Variants in UPRT observed in about 807,000 individuals in gnomAD.
UPRT encodes uracil phosphoribosyltransferase homolog, also known as RP11-311P8.3.
Under a neutral mutation model 22.6 loss-of-function variants are expected in UPRT, and 5 were observed. That is an observed-to-expected ratio of 0.22 (90% confidence interval 0.12 to 0.47). The LOEUF is 0.47. UPRT is among the 20% of genes least tolerant of loss of function. UPRT has a pLI of 0.99. For synonymous variants in UPRT, 77 were observed against 87.7 expected (o/e 0.88, Z 0.68); for missense variants, 181 against 239.9 (o/e 0.75, Z 1.62).
intron 4 of UPRT, among the ~76,000 whole-genome samples, chrX:75,187,022 A>C (rs2082295212): frequency 9.0e-6 from 1 of 111,384 alleles, no homozygotes; most frequent in Non-Finnish European, 1.9e-5. Context: ...GTCCATTTAC[A>C]TTTAAGGTTA....
intron 6 of UPRT, among the ~76,000 whole-genome samples, chrX:75,301,753 G>C (rs906655167): frequency 1.8e-5 from 2 of 111,538 alleles, no homozygotes; most frequent in Non-Finnish European, 3.8e-5. Context: ...ATAGGGTAAA[G>C]TGTTACCACC....
chrX:75,256,283 TC>T (rs1411846308), intron 4 of UPRT, among the ~76,000 whole-genome samples: 2 of 111,801 alleles, frequency 1.8e-5, no homozygotes, highest in African/African-American at 6.5e-5. Context: ...AAAAATGAAA[TC>T]AAGATGGAAA....
intron 4 of UPRT, 93 bp from the exon 5 acceptor site, chrX:75,299,642 G>A (rs2082737524): frequency 1.1e-6 from 1 of 877,384 alleles, no homozygotes; most frequent in Non-Finnish European, 1.5e-6. Flanking sequence ...CTTCCTTTTT[G>A]TATTAATAAC....
At chrX:75,189,925 T>G (rs2082308886) in intron 4 of UPRT, among the ~76,000 whole-genome samples, 1 of 112,321 alleles carries the variant, frequency 8.9e-6, no homozygotes, top group Admixed American at 9.5e-5. Context: ...GTCTTGACTC[T>G]TTATCCAATT....
chrX:75,244,170 C>CAACA (rs1427858509), intron 4 of UPRT, among the ~76,000 whole-genome samples: 1 of 111,465 alleles, frequency 9.0e-6, no homozygotes, highest in Non-Finnish European at 1.9e-5. Flanking sequence ...AATACCAAAA[C>CAACA]AACAAACAAA....
At chrX:75,263,734 C>T (rs375478808) in intron 4 of UPRT, among the ~76,000 whole-genome samples, 23 of 109,472 alleles carry the variant, frequency 2.1e-4, no homozygotes, top group African/African-American at 7.3e-4. Flanking sequence ...CTGCTCTGAT[C>T]TTAGTTATTT....
intron 4 of UPRT, among the ~76,000 whole-genome samples, chrX:75,232,899 G>A (rs2082444262): frequency 8.9e-6 from 1 of 112,373 alleles, no homozygotes; most frequent in South Asian, 3.7e-4. Flanking sequence ...CCAAAGGAAC[G>A]CAGTTCCTCA....
intron 4 of UPRT, among the ~76,000 whole-genome samples, chrX:75,206,261 T>C (rs1388633814): frequency 1.8e-5 from 2 of 111,163 alleles, no homozygotes; most frequent in Non-Finnish European, 3.8e-5. Context: ...ATGTATCTAC[T>C]ATTGTTAGAA....
chrX:75,163,784 T>C (rs1038277668), intron 3 of UPRT, among the ~76,000 whole-genome samples: 5 of 111,979 alleles, frequency 4.5e-5, no homozygotes, highest in African/African-American at 1.6e-4. Flanking sequence ...TTTTGGAAAC[T>C]TAATCCCCAA....
At chrX:75,207,512 T>C (rs1472786712) in intron 4 of UPRT, among the ~76,000 whole-genome samples, 1 of 111,566 alleles carries the variant, frequency 9.0e-6, no homozygotes, top group Non-Finnish European at 1.9e-5. Context: ...GCAATAGAGC[T>C]CAGAGCTGGA....
chrX:75,247,422 C>A (rs778740369), intron 4 of UPRT, among the ~76,000 whole-genome samples: 69 of 112,135 alleles, frequency 6.2e-4, no homozygotes, highest in South Asian at 3.8e-4. Context: ...AACGGCACAC[C>A]AAGACACTAT....
chrX:75,246,313 T>C (rs1197271205), intron 4 of UPRT, among the ~76,000 whole-genome samples: 1 of 97,345 alleles, frequency 1.0e-5, no homozygotes, highest in Non-Finnish European at 2.0e-5. Context: ...GTCCATGTGT[T>C]CTCATTGTTC....
intron 4 of UPRT, among the ~76,000 whole-genome samples, chrX:75,251,810 T>G (rs1220546649): frequency 9.0e-6 from 1 of 111,285 alleles, no homozygotes; most frequent in Non-Finnish European, 1.9e-5. Flanking sequence ...GACTTCAAAC[T>G]ATACTACAAG....
At chrX:75,172,962 C>T (rs772459307) in intron 4 of UPRT, among the ~76,000 whole-genome samples, 4 of 111,288 alleles carry the variant, frequency 3.6e-5, no homozygotes, top group South Asian at 7.7e-4. Context: ...ACTGCTGGCT[C>T]GGGCAGCCTG....
intron 4 of UPRT, among the ~76,000 whole-genome samples, chrX:75,261,115 G>C (rs909331072): frequency 9.0e-6 from 1 of 111,697 alleles, no homozygotes; most frequent in Non-Finnish European, 1.9e-5. Context: ...TGTGTAGAGG[G>C]AAATTTATAG....
intron 4 of UPRT, among the ~76,000 whole-genome samples, chrX:75,197,818 A>G (rs1022295561): frequency 8.0e-5 from 9 of 112,370 alleles, no homozygotes; most frequent in African/African-American, 2.9e-4. Context: ...CTAAAATTGA[A>G]AAGACTAAAA....
chrX:75,237,727 T>G (rs1379024016), intron 4 of UPRT, among the ~76,000 whole-genome samples: 1 of 99,284 alleles, frequency 1.0e-5, no homozygotes, highest in Non-Finnish European at 2.0e-5. Flanking sequence ...ATGTTCTCAC[T>G]CATAGGTGAG....
chrX:75,275,368 AC>A (rs1283863301), intron 1 of UPRT, among the ~76,000 whole-genome samples: 3 of 112,054 alleles, frequency 2.7e-5, no homozygotes, highest in Non-Finnish European at 5.6e-5. Context: ...GGAAATATGT[AC>A]CATGATGAAC....
chrX:75,285,876 T>C (rs1470208167), intron 1 of UPRT, among the ~76,000 whole-genome samples: 1 of 111,450 alleles, frequency 9.0e-6, no homozygotes, highest in Non-Finnish European at 1.9e-5. Context: ...TTTTTGCTTT[T>C]GGTTAAATTT....
Sources: gnomAD v4.1 joint callset for allele counts (sites outside exome capture counted in the v4.1 genomes callset) on GRCh38, gnomAD v4.1.1 for gene constraint, MANE v1.5 for transcripts, NCBI Gene and HGNC (gene_info 2026-07-23, HGNC 2026-07-21) for gene names.